Variants in DAB1 observed in about 807,000 individuals in gnomAD.
The protein encoded by DAB1 is disabled homolog 1.
DAB1 carries 15 observed loss-of-function variants against 64.6 expected under a neutral mutation model. That is an observed-to-expected ratio of 0.23 (90% CI 0.16 to 0.36). The LOEUF (loss-of-function observed/expected upper bound fraction) is 0.36, where lower values mean the gene tolerates loss of function less well. DAB1 is among the 10% of genes least tolerant of loss of function. The probability of loss-of-function intolerance (pLI) is 1.00; values close to 1 mark genes in which losing one functional copy is unlikely to be tolerated. For synonymous variants in DAB1, 235 were observed against 251.9 expected (o/e 0.93, Z 0.64); for missense variants, 596 against 706.7 (o/e 0.84, Z 1.78).
intron 5 of DAB1, among the ~76,000 whole-genome samples, chr1:57,905,833 A>G (rs1433899156): frequency 1.3e-5 from 2 of 152,174 alleles, no homozygotes; most frequent in South Asian, 2.1e-4. Flanking sequence ...AGGCTGTGGT[A>G]TTAGAGAGGT....
rs1650830595 is a variant in DAB1, at chr1:57,065,636, T to C, written c.664-2693A>G. ...GTGCTAAGGTGCATGGTCCTGGCTC[T>C]CATCTCTGCTTAGCTGTACCATTCT... On this transcript the variant is annotated intron_variant, in intron 8 of 14. Transcript: ENST00000371236. 2.0e-5 allele frequency among the ~76,000 whole-genome samples: 3 copies of C among 152,220 alleles called. No individual in the cohort carries two copies. The East Asian group carries it at 5.8e-4, about 29-fold the overall frequency.
At chr1:58,105,844 G>A (rs191435229) in intron 5 of DAB1, among the ~76,000 whole-genome samples, 62 of 152,274 alleles carry the variant, frequency 4.1e-4, no homozygotes, top group Non-Finnish European at 1.6e-4. Context: ...TCTGCCATTT[G>A]CTTAGTTCAC....
At chr1:57,635,097 G>A (rs975440921) in intron 7 of DAB1, among the ~76,000 whole-genome samples, 9 of 152,172 alleles carry the variant, frequency 5.9e-5, no homozygotes, top group African/African-American at 2.2e-4. Context: ...TAACGGAGGT[G>A]AGGACAGTGT....
chr1:57,120,597 T>C (rs1372146404), intron 4 of DAB1, among the ~76,000 whole-genome samples: 2 of 152,200 alleles, frequency 1.3e-5, no homozygotes, highest in Non-Finnish European at 2.9e-5. Context: ...TCTGTACCTA[T>C]TAAATACTAA....
chr1:57,462,576 C>G (rs1028157710), intron 7 of DAB1, among the ~76,000 whole-genome samples: 2 of 152,110 alleles, frequency 1.3e-5, no homozygotes, highest in African/African-American at 4.8e-5. Flanking sequence ...TGACAACTGC[C>G]AGGTGCTTTG....
rs970784184 is a variant in DAB1, at chr1:56,995,067, G to T, written c.*3077C>A. On this transcript the variant is annotated 3_prime_UTR_variant, in exon 15 of 15. Transcript: ENST00000371236. Reference sequence around the variant, plus strand: ...AGTAAACATTTGTTTAAAAGAAGGTGCCCAGTACATTACATGATGGGGTTT... The same window carrying T: ...AGTAAACATTTGTTTAAAAGAAGGTTCCCAGTACATTACATGATGGGGTTT... 6.6e-6 allele frequency: 1 copy of T among 152,156 alleles called. No homozygotes were observed. The highest frequency in any genetic ancestry group is 1.5e-5 in the Non-Finnish European group (1 of 68,040). The allele number at this position is 152,156 out of a possible 1,614,324, so 9.4% of individuals were successfully genotyped here. A position where few individuals can be genotyped will look rare whatever the true frequency, so the allele number is the denominator to read the frequency against.
intron 6 of DAB1, among the ~76,000 whole-genome samples, chr1:57,791,254 T>C (rs2101858574): frequency 6.6e-6 from 1 of 152,318 alleles, no homozygotes; most frequent in East Asian, 1.9e-4. Flanking sequence ...GGCCCCCCTG[T>C]GTTGGAACTT....
At chr1:58,452,806 C>T (rs1043460675) in intron 3 of DAB1, among the ~76,000 whole-genome samples, 5 of 150,790 alleles carry the variant, frequency 3.3e-5, no homozygotes, top group Non-Finnish European at 4.4e-5. Context: ...CCAGCCTGGG[C>T]GACAGAGAGA....
At chr1:57,313,162 T>C (rs1411734922) in intron 1 of DAB1, among the ~76,000 whole-genome samples, 1 of 151,814 alleles carries the variant, frequency 6.6e-6, no homozygotes, top group Non-Finnish European at 1.5e-5. Flanking sequence ...AGCTAGAGAG[T>C]GTGGGGTAAA....
intron 7 of DAB1, among the ~76,000 whole-genome samples, chr1:57,500,593 A>T (rs971016138): frequency 6.6e-6 from 1 of 152,184 alleles, no homozygotes; most frequent in Non-Finnish European, 1.5e-5. Flanking sequence ...ATACATTCAA[A>T]TCACAAGGGA....
intron 14 of DAB1, among the ~76,000 whole-genome samples, chr1:57,002,568 G>T (rs1006805882): frequency 6.6e-6 from 1 of 152,230 alleles, no homozygotes; most frequent in African/African-American, 2.4e-5. Flanking sequence ...CCAGGCTAGA[G>T]AAATGTTTGA....
At chr1:57,932,561 T>C (rs575111776) in intron 5 of DAB1, among the ~76,000 whole-genome samples, 2 of 151,998 alleles carry the variant, frequency 1.3e-5, no homozygotes, top group African/African-American at 4.8e-5. Flanking sequence ...CAATAGTGGA[T>C]TCATCTATTT....
rs555042388 is a variant in DAB1, at chr1:58,258,445, G to A, written n.309+84907C>T. 1.7e-4 allele frequency among the ~76,000 whole-genome samples: 26 copies of A among 152,316 alleles called. No individual in the cohort carries two copies. The South Asian group carries it at 4.8e-3, about 28-fold the overall frequency. On this transcript the variant is annotated intron_variant and non_coding_transcript_variant, in intron 4 of 20. Coordinates refer to the DAB1 transcript ENST00000485760. ...AAATATGGCTTTGAATGGCACAGACGAAATGAGGGTTCTAATTCCAGCTCT... is the reference window on the plus strand; with the variant it reads ...AAATATGGCTTTGAATGGCACAGACAAAATGAGGGTTCTAATTCCAGCTCT...
At position 57,561,337 on chromosome 1, in the gene DAB1, G is replaced by A. The variant is rs376452184; in HGVS notation, n.625+88255C>T. 7.0e-4 allele frequency among the ~76,000 whole-genome samples: 106 copies of A among 152,328 alleles called. 2 individuals are homozygous for A. In the South Asian group the frequency reaches 0.022, roughly 31 times the overall value. On this transcript the variant is annotated intron_variant and non_coding_transcript_variant, in intron 7 of 20. Coordinates refer to the DAB1 transcript ENST00000485760. ...TGAAGGGCAATCTTCCCAGTGGGCA[G>A]AACTTTGAGCAGTGCACCTGGTTGT...
At chr1:57,852,308 T>C (rs1424354159) in intron 1 of DAB1, among the ~76,000 whole-genome samples, 2 of 151,836 alleles carry the variant, frequency 1.3e-5, no homozygotes, top group African/African-American at 2.4e-5. Flanking sequence ...ACATTTTTCA[T>C]ACCCTTTTTT....
At chr1:57,039,868 G>A (rs753961898) in intron 9 of DAB1, among the ~76,000 whole-genome samples, 8 of 152,232 alleles carry the variant, frequency 5.3e-5, no homozygotes, top group African/African-American at 1.2e-4. Context: ...CAATTGTGAC[G>A]CCTGAGAAAT....
chr1:57,772,404 C>T (rs1275481324), intron 6 of DAB1, among the ~76,000 whole-genome samples: 2 of 152,096 alleles, frequency 1.3e-5, no homozygotes, highest in Non-Finnish European at 2.9e-5. Flanking sequence ...TATAGCAGCT[C>T]AAAATGGACT....
At chr1:57,679,764 C>A (rs1330382672) in intron 6 of DAB1, among the ~76,000 whole-genome samples, 1 of 152,158 alleles carries the variant, frequency 6.6e-6, no homozygotes, top group African/African-American at 2.4e-5. Context: ...TTGGGAATAG[C>A]AACAGGAAGC....
chr1:58,366,820 A>G (rs1644221738), intron 3 of DAB1, among the ~76,000 whole-genome samples: 1 of 152,232 alleles, frequency 6.6e-6, no homozygotes, highest in Admixed American at 6.5e-5. Context: ...TTCACTTGAA[A>G]AAGGCAGCAC....
Sources: allele counts gnomAD v4.1 joint callset (sites outside exome capture counted in the v4.1 genomes callset), GRCh38; gene constraint gnomAD v4.1.1; transcripts MANE v1.5; gene names NCBI Gene and HGNC (gene_info 2026-07-23, HGNC 2026-07-21).